Variants in AUTS2 observed in about 807,000 individuals in gnomAD.
The protein encoded by AUTS2 is autism susceptibility gene 2 protein.
A neutral mutation model predicts 112.4 loss-of-function variants in AUTS2; 17 were observed. The ratio of observed to expected loss-of-function variants is 0.15; its 90% CI spans 0.10 to 0.23. The LOEUF (loss-of-function observed/expected upper bound fraction) is 0.23. AUTS2 is among the 10% of genes least tolerant of loss of function. The pLI, the probability that AUTS2 is intolerant of heterozygous loss-of-function variation, is 1.00. For missense variants in AUTS2, 1,510 were observed against 1,701.6 expected, an observed-to-expected ratio of 0.89 and a Z score of 1.98; for synonymous variants, 751 against 702.7, an observed-to-expected ratio of 1.07 and a Z score of -1.09.
chr7:70,532,172 T>C (rs958442924), intron 5 of AUTS2, among the ~76,000 whole-genome samples: 5 of 152,300 alleles, frequency 3.3e-5, no homozygotes, highest in Admixed American at 6.5e-5. Flanking sequence ...CCAGTGAATA[T>C]GCACTTTGCA....
intron 2 of AUTS2, among the ~76,000 whole-genome samples, chr7:69,995,340 C>G (rs749652012): frequency 5.9e-5 from 9 of 152,270 alleles, no homozygotes; most frequent in Non-Finnish European, 1.2e-4. Flanking sequence ...TAATTTCTTT[C>G]ATTTACACAG....
chr7:70,365,585 A>G (rs1340178716), intron 4 of AUTS2, among the ~76,000 whole-genome samples: 2 of 152,242 alleles, frequency 1.3e-5, no homozygotes, highest in Admixed American at 6.5e-5. Context: ...TTAATAATGC[A>G]GTGTGTACTT....
At chr7:70,146,095 G>T (rs1378802650) in intron 4 of AUTS2, among the ~76,000 whole-genome samples, 1 of 152,110 alleles carries the variant, frequency 6.6e-6, no homozygotes, top group Non-Finnish European at 1.5e-5. Context: ...ATTTTCTTTA[G>T]ATTTTTGTGA....
rs1792177340 is a variant in AUTS2 at position 69,598,629 on chromosome 7, GAGA to G, written c.-1022_-1020del. The stretch of plus-strand genomic sequence containing the variant: ...GCTTCTCCCTCAGGCGGGGCGGCGA[GAGA>G]AGCGGCGGCGGCGGCGGCGGCACAC... On this transcript the variant is annotated 5_prime_UTR_variant, in exon 1 of 19. Transcript: ENST00000342771. 5.8e-6 allele frequency: 1 copy of G among 171,868 alleles called. No individual in the cohort carries two copies. The highest frequency in any genetic ancestry group is 1.2e-5 in the Non-Finnish European group (1 of 81,916). The allele number at this position is 171,868 out of a possible 1,614,324, so 10.6% of individuals were successfully genotyped here.
At chr7:70,224,469 T>G (rs2129593757) in intron 4 of AUTS2, among the ~76,000 whole-genome samples, 1 of 152,230 alleles carries the variant, frequency 6.6e-6, no homozygotes, top group African/African-American at 2.4e-5. Context: ...GAAGAAAGTA[T>G]TTTTATACAG....
Position 70,350,558 on chromosome 7 carries a change from A to G in AUTS2, c.661-85194A>G, listed in dbSNP as rs528891971. On this transcript the variant is annotated intron_variant, in intron 4 of 18. Coordinates refer to ENST00000342771, the MANE Select transcript of AUTS2 (RefSeq NM_015570.4). Reference sequence around the variant, plus strand: ...TCAGCTCTCCTGAGACTTATTCACTATCACGAGAGCAGCACAGGAAAAACC... The same window carrying G: ...TCAGCTCTCCTGAGACTTATTCACTGTCACGAGAGCAGCACAGGAAAAACC... Among the ~76,000 whole-genome samples, 6 of 152,234 alleles carry G rather than the reference A, an allele frequency of 3.9e-5. No individual in the cohort carries two copies. The South Asian group carries it at 1.0e-3, about 26-fold the overall frequency.
chr7:70,642,052 C>A (rs1805862136), intron 5 of AUTS2, among the ~76,000 whole-genome samples: 1 of 152,190 alleles, frequency 6.6e-6, no homozygotes, highest in Admixed American at 6.5e-5. Context: ...TGCAATCTAC[C>A]TGCGGTGCAT....
At chr7:70,744,551 A>G (rs1404501193) in intron 6 of AUTS2, among the ~76,000 whole-genome samples, 1 of 152,186 alleles carries the variant, frequency 6.6e-6, no homozygotes, top group African/African-American at 2.4e-5. Context: ...AAGTAAAGTC[A>G]GTCTGTATTG....
chr7:69,724,575 A>T (rs1228579145), intron 1 of AUTS2, among the ~76,000 whole-genome samples: 1 of 152,246 alleles, frequency 6.6e-6, no homozygotes, highest in East Asian at 1.9e-4. Context: ...TTACTGTAGC[A>T]TCAGGATTCA....
chr7:70,638,560 A>G (rs1805643616), intron 5 of AUTS2, among the ~76,000 whole-genome samples: 17 of 151,164 alleles, frequency 1.1e-4, no homozygotes, highest in Admixed American at 1.1e-3. Flanking sequence ...ACTCACTGGA[A>G]CTTATTTTGT....
At chr7:70,025,379 C>G (rs904536423) in intron 2 of AUTS2, among the ~76,000 whole-genome samples, 1 of 151,858 alleles carries the variant, frequency 6.6e-6, no homozygotes, top group African/African-American at 2.4e-5. Context: ...ATTCCCCCAT[C>G]ACTGTCATCA....
intron 1 of AUTS2, among the ~76,000 whole-genome samples, chr7:69,872,514 G>A (rs879260223): frequency 2.0e-5 from 3 of 152,112 alleles, no homozygotes; most frequent in Admixed American, 2.0e-4. Flanking sequence ...TAATGTATTC[G>A]GGGTACTAGA....
At chr7:70,771,778 A>G (rs911940747) in intron 11 of AUTS2, 134 bp downstream of exon 11, 18 of 609,430 alleles carry the variant, frequency 3.0e-5, no homozygotes, top group Non-Finnish European at 4.5e-5. Context: ...CTGGGATTAG[A>G]GTGAGCCTAT....
intron 2 of AUTS2, among the ~76,000 whole-genome samples, chr7:70,063,453 T>C (rs541179773): frequency 1.3e-5 from 2 of 152,294 alleles, no homozygotes; most frequent in African/African-American, 4.8e-5. Flanking sequence ...AATCCCAGCT[T>C]TCTCGTATCC....
At chr7:70,143,750 T>C (rs1397765025) in intron 4 of AUTS2, among the ~76,000 whole-genome samples, 1 of 152,156 alleles carries the variant, frequency 6.6e-6, no homozygotes, top group Non-Finnish European at 1.5e-5. Flanking sequence ...GTGATGACTG[T>C]CTATTAGGGC....
chr7:69,856,645 C>T (rs1477518602), intron 1 of AUTS2, among the ~76,000 whole-genome samples: 2 of 152,182 alleles, frequency 1.3e-5, no homozygotes, highest in African/African-American at 4.8e-5. Context: ...CTTAAGTATT[C>T]TCAGCCTTAG....
chr7:69,971,699 A>T (rs539708826), intron 2 of AUTS2, among the ~76,000 whole-genome samples: 1 of 152,204 alleles, frequency 6.6e-6, no homozygotes, highest in East Asian at 1.9e-4. Flanking sequence ...TGTTATATAA[A>T]TGGAATCATA....
At chr7:69,628,064 C>G (rs933911172) in intron 1 of AUTS2, among the ~76,000 whole-genome samples, 19 of 152,080 alleles carry the variant, frequency 1.2e-4, no homozygotes, top group African/African-American at 4.6e-4. Context: ...TTTATAATGC[C>G]TGCAGTAATG....
intron 2 of AUTS2, among the ~76,000 whole-genome samples, chr7:70,090,118 A>G (rs929989826): frequency 1.3e-5 from 2 of 151,588 alleles, no homozygotes; most frequent in African/African-American, 2.4e-5. Context: ...TTCTTGGCTT[A>G]TTAGCTGTAG....
Sources: allele counts gnomAD v4.1 joint callset (sites outside exome capture counted in the v4.1 genomes callset), GRCh38; gene constraint gnomAD v4.1.1; transcripts MANE v1.5; gene names NCBI Gene and HGNC (gene_info 2026-07-23, HGNC 2026-07-21).